The following EXOC6B variants were observed in gnomAD, a reference collection of about 807,000 sequenced individuals.
EXOC6B encodes SEC15 homolog B.
In EXOC6B, 54 loss-of-function variants were observed where a neutral mutation model predicts 113.5. That is an observed-to-expected ratio of 0.48 (90% CI 0.38 to 0.60). The LOEUF (loss-of-function observed/expected upper bound fraction) is 0.60. Ranked by LOEUF, EXOC6B falls within the 20% of genes least tolerant of loss-of-function variation. The pLI, the probability that EXOC6B is intolerant of heterozygous loss-of-function variation, is 0.00. For missense variants in EXOC6B, 797 were observed against 977.5 expected (o/e 0.82, Z 2.46); for synonymous variants, 357 against 339.0 (o/e 1.05, Z -0.58).
chr2:72,220,477 A>C lies in EXOC6B; in HGVS notation c.2197-36290T>G, dbSNP rs148897092. On this transcript the variant is annotated intron_variant, in intron 20 of 21. Transcript: ENST00000272427. ...AGAAACCTTCCAGATGGGCACTCTG[A>C]CCTCCAAGAAAACATCCCTAATAAT... Among the ~76,000 whole-genome samples, 47 of 152,228 alleles carry C rather than the reference A, an allele frequency of 3.1e-4. 1 individual carries two copies. In the East Asian group the frequency reaches 6.9e-3, roughly 23 times the overall value.
chr2:72,307,710 T>A (rs1379873005), intron 20 of EXOC6B, among the ~76,000 whole-genome samples: 1 of 152,218 alleles, frequency 6.6e-6, no homozygotes, highest in Non-Finnish European at 1.5e-5. Flanking sequence ...TTCCCTTTTT[T>A]TCAGGCTATT....
At chr2:72,497,738 G>A (rs1441389899) in intron 13 of EXOC6B, among the ~76,000 whole-genome samples, 2 of 152,076 alleles carry the variant, frequency 1.3e-5, no homozygotes, top group Admixed American at 1.3e-4. Flanking sequence ...TTTGAAAAGA[G>A]GACAAACTGA....
chr2:72,220,203 C>T (rs1189364749), intron 20 of EXOC6B, among the ~76,000 whole-genome samples: 3 of 152,094 alleles, frequency 2.0e-5, no homozygotes, highest in Non-Finnish European at 4.4e-5. Context: ...TCGTATTTTC[C>T]AGGGCCTGAA....
chr2:72,823,466 A>AAAAAC (rs1686699491), intron 1 of EXOC6B, among the ~76,000 whole-genome samples: 1 of 134,554 alleles, frequency 7.4e-6, no homozygotes, highest in African/African-American at 3.2e-5. Flanking sequence ...TAAGAAAAAA[A>AAAAAC]AAAAAAAAAA....
intron 8 of EXOC6B, among the ~76,000 whole-genome samples, chr2:72,525,828 T>C (rs1394135328): frequency 6.6e-6 from 1 of 152,118 alleles, no homozygotes; most frequent in Non-Finnish European, 1.5e-5. Context: ...TAAGGGTATG[T>C]GAGAACAGAA....
intron 6 of EXOC6B, among the ~76,000 whole-genome samples, chr2:72,709,844 A>T (rs1186243483): frequency 6.6e-6 from 1 of 152,104 alleles, no homozygotes; most frequent in Non-Finnish European, 1.5e-5. Flanking sequence ...TCTCACTGAC[A>T]TTAAAGCCAT....
At chr2:72,818,561 CAG>C (rs1686409396) in intron 1 of EXOC6B, among the ~76,000 whole-genome samples, 1 of 152,086 alleles carries the variant, frequency 6.6e-6, no homozygotes, top group Non-Finnish European at 1.5e-5. Flanking sequence ...TCCCAAAGTG[CAG>C]AGATTGCAAG....
intron 6 of EXOC6B, among the ~76,000 whole-genome samples, chr2:72,684,700 A>G (rs929608684): frequency 2.0e-5 from 3 of 152,232 alleles, no homozygotes; most frequent in Non-Finnish European, 4.4e-5. Context: ...GAGTAAAAGA[A>G]GCTTTATATA....
chr2:72,514,218 T>C (rs1701094000), intron 10 of EXOC6B, among the ~76,000 whole-genome samples: 1 of 152,134 alleles, frequency 6.6e-6, no homozygotes, highest in African/African-American at 2.4e-5. Context: ...ACAACAGAGC[T>C]AAGCAGTTGT....
chr2:72,411,090 T>C (rs1047317858), intron 18 of EXOC6B, among the ~76,000 whole-genome samples: 1 of 152,092 alleles, frequency 6.6e-6, no homozygotes, highest in Non-Finnish European at 1.5e-5. Context: ...ACGCCTGTGG[T>C]CCCAGATACT....
chr2:72,541,424 C>T (rs1184468917), intron 8 of EXOC6B, among the ~76,000 whole-genome samples: 3 of 150,664 alleles, frequency 2.0e-5, no homozygotes, highest in Non-Finnish European at 3.0e-5. Context: ...CCCTTTCTTC[C>T]TTCCTTCTTT....
intron 7 of EXOC6B, 46 bp downstream of exon 7, chr2:72,575,446 T>G: frequency 1.3e-6 from 2 of 1,564,400 alleles, no homozygotes; most frequent in Non-Finnish European, 1.7e-6. Flanking sequence ...ACCATACTAT[T>G]TAAGCTTAAA....
chr2:72,634,550 G>A (rs1373949553), intron 6 of EXOC6B, among the ~76,000 whole-genome samples: 1 of 152,148 alleles, frequency 6.6e-6, no homozygotes, highest in Admixed American at 6.6e-5. Flanking sequence ...CTTACATGGT[G>A]TCAACAGACA....
At chr2:72,622,743 T>G (rs564850942) in intron 6 of EXOC6B, among the ~76,000 whole-genome samples, 32 of 151,882 alleles carry the variant, frequency 2.1e-4, no homozygotes, top group Non-Finnish European at 4.0e-4. Context: ...GATATCCACA[T>G]GGCCAATAAA....
intron 1 of EXOC6B, among the ~76,000 whole-genome samples, chr2:72,802,250 A>G (rs7586339): frequency 0.35 from 52,540 of 150,384 alleles, 14,146 homozygotes; most frequent in African/African-American, 0.76. Context: ...GCTTGAACGC[A>G]GGAGGTGGAG....
chr2:72,601,571 T>C (rs1670439872), intron 6 of EXOC6B, among the ~76,000 whole-genome samples: 1 of 152,158 alleles, frequency 6.6e-6, no homozygotes, highest in Non-Finnish European at 1.5e-5. Context: ...CTGGTGGGAA[T>C]GCAAAATAGT....
chr2:72,679,073 CT>C (rs549104274), intron 6 of EXOC6B, among the ~76,000 whole-genome samples: 103 of 145,900 alleles, frequency 7.1e-4, no homozygotes, highest in South Asian at 2.8e-3. Flanking sequence ...CATATAATCT[CT>C]TTTTTTTTTT....
intron 11 of EXOC6B, among the ~76,000 whole-genome samples, chr2:72,508,184 A>AAAAAAAAAAAAAAAAAAAAAAAC (rs923877882): frequency 7.9e-5 from 7 of 89,114 alleles, no homozygotes; most frequent in African/African-American, 4.7e-4. Flanking sequence ...AAAAAAAAAA[A>AAAAAAAAAAAAAAAAAAAAAAAC]ACACCTAAAA....
intron 8 of EXOC6B, among the ~76,000 whole-genome samples, chr2:72,524,901 T>C (rs926580267): frequency 6.6e-6 from 1 of 152,252 alleles, no homozygotes; most frequent in African/African-American, 2.4e-5. Context: ...GCCCCAATTC[T>C]TGTTATCACT....
Sources: gnomAD v4.1 joint callset for allele counts (sites outside exome capture counted in the v4.1 genomes callset) on GRCh38, gnomAD v4.1.1 for gene constraint, MANE v1.5 for transcripts, NCBI Gene and HGNC (gene_info 2026-07-23, HGNC 2026-07-21) for gene names.